PRELID2: variants seen among roughly 807,000 people sequenced by gnomAD.
PRELID2 encodes the protein PRELI domain containing 2.
In PRELID2, 25 loss-of-function variants were observed where a neutral mutation model predicts 28.4. That is an observed-to-expected ratio of 0.88 (90% confidence interval 0.64 to 1.23). The LOEUF (loss-of-function observed/expected upper bound fraction) is 1.23. Ranked by LOEUF, PRELID2 falls within the 50% of genes most tolerant of loss-of-function variation. PRELID2 has a pLI of 0.00. For missense variants in PRELID2, 201 were observed against 214.4 expected (o/e 0.94, Z 0.39); for synonymous variants, 76 against 71.6 (o/e 1.06, Z -0.31).
the PRELID2 span, among the ~76,000 whole-genome samples, chr5:145,465,952 A>C: frequency 1.3e-5 from 2 of 152,132 alleles, no homozygotes; most frequent in Non-Finnish European, 2.9e-5. Flanking sequence ...AAGATTTCTG[A>C]CAATCTGACC....
the PRELID2 span, among the ~76,000 whole-genome samples, chr5:145,380,868 TAAATA>T: frequency 6.6e-6 from 1 of 152,168 alleles, no homozygotes; most frequent in African/African-American, 2.4e-5. Flanking sequence ...AAGTGTTATA[TAAATA>T]AAATAAATCC....
chr5:145,286,696 G>GTTTTTT, the PRELID2 span, among the ~76,000 whole-genome samples: 9 of 116,992 alleles, frequency 7.7e-5, 1 homozygote, highest in African/African-American at 3.6e-4. Context: ...CAACATAGAA[G>GTTTTTT]TTTTTGTTTT....
intron 1 of PRELID2, among the ~76,000 whole-genome samples, chr5:145,686,719 C>CATTTCTTGGAGAAAA (rs1321677781): frequency 2.6e-5 from 4 of 152,110 alleles, no homozygotes; most frequent in African/African-American, 9.7e-5. Flanking sequence ...TTGTTTCCGC[C>CATTTCTTGGAGAAAA]ATTTCTTGGA....
intron 5 of PRELID2, among the ~76,000 whole-genome samples, chr5:145,794,568 A>G (rs988494481): frequency 2.0e-5 from 3 of 152,120 alleles, no homozygotes; most frequent in Admixed American, 6.6e-5. Flanking sequence ...GAAGAAACAC[A>G]TTTAGCCCAC....
chr5:145,720,821 A>C (rs1755968063), intron 1 of PRELID2, among the ~76,000 whole-genome samples: 2 of 152,056 alleles, frequency 1.3e-5, no homozygotes, highest in African/African-American at 4.8e-5. Flanking sequence ...GGGGAATTGG[A>C]AAGGAGAATA....
At chr5:145,411,547 G>A in the PRELID2 span, among the ~76,000 whole-genome samples, 4 of 152,324 alleles carry the variant, frequency 2.6e-5, no homozygotes, top group Admixed American at 6.5e-5. Context: ...GGCTTTGTGA[G>A]TACAACCCCC....
chr5:145,456,695 T>G, the PRELID2 span, among the ~76,000 whole-genome samples: 2 of 152,228 alleles, frequency 1.3e-5, no homozygotes, highest in Admixed American at 6.5e-5. Flanking sequence ...CGCACAGTAT[T>G]TGTTGAATGA....
the PRELID2 span, among the ~76,000 whole-genome samples, chr5:145,251,415 C>T: frequency 2.6e-5 from 4 of 152,118 alleles, no homozygotes; most frequent in African/African-American, 9.7e-5. Context: ...CAGACTCTTG[C>T]CTTCTGTAAC....
intron 1 of PRELID2, among the ~76,000 whole-genome samples, chr5:145,693,304 C>T (rs1755188037): frequency 6.6e-6 from 1 of 151,956 alleles, no homozygotes; most frequent in Non-Finnish European, 1.5e-5. Flanking sequence ...TATGCCACGA[C>T]ACCCAGTTAA....
the PRELID2 span, among the ~76,000 whole-genome samples, chr5:145,440,041 T>A: frequency 1.3e-5 from 2 of 152,060 alleles, no homozygotes; most frequent in Admixed American, 1.3e-4. Flanking sequence ...TATCCTCCAG[T>A]CTCCGAAACA....
At chr5:145,488,324 G>C (rs947232276) in intron 1 of PRELID2, among the ~76,000 whole-genome samples, 5 of 152,082 alleles carry the variant, frequency 3.3e-5, no homozygotes. Flanking sequence ...CAAAGGGAAA[G>C]CCTGATGGAG....
At position 145,759,365 on chromosome 5, in the gene PRELID2, A is replaced by T. The variant is rs1245985698; in HGVS notation, c.*1171T>A. The stretch of plus-strand genomic sequence containing the variant: ...CTCTCTTCAAGATTTTTTAGGTAGT[A>T]TGTATTTATATTTTGGCTTCTGATC... On this transcript the variant is annotated 3_prime_UTR_variant, in exon 7 of 7. Coordinates refer to ENST00000683046, the MANE Select transcript of PRELID2 (RefSeq NM_205846.3). 6.6e-6 allele frequency: 1 copy of T among 152,186 alleles called. No homozygotes were observed. The highest frequency in any genetic ancestry group is 2.4e-5 in the African/African-American group (1 of 41,438). 9.4% of individuals were successfully genotyped at this position (152,186 alleles called of 1,614,324 possible).
chr5:145,820,227 G>T (rs532631025), intron 2 of PRELID2, among the ~76,000 whole-genome samples: 12 of 151,258 alleles, frequency 7.9e-5, no homozygotes, highest in African/African-American at 2.7e-4. Context: ...TCAGCCTCCC[G>T]CAATGAATCT....
the PRELID2 span, among the ~76,000 whole-genome samples, chr5:145,302,011 C>CA: frequency 9.9e-5 from 14 of 140,716 alleles, no homozygotes; most frequent in Admixed American, 4.5e-4. Flanking sequence ...TTACTACACA[C>CA]AAAAAAAAGA....
At position 145,493,244 on chromosome 5, in the gene PRELID2, T is replaced by C. The variant is rs139058623; in HGVS notation, n.71-19929A>G. Among the ~76,000 whole-genome samples, 279 of 152,182 alleles carry C rather than the reference T, an allele frequency of 1.8e-3. 11 individuals carry two copies. The highest frequency in any genetic ancestry group is 6.5e-3 in the African/African-American group (270 of 41,518). ...CCCAGATTGTCCCTGAAGTCAGCTTTAATACTCCCTTCTCCCTCGCTGCCT... is the reference window on the plus strand; with the variant it reads ...CCCAGATTGTCCCTGAAGTCAGCTTCAATACTCCCTTCTCCCTCGCTGCCT... On this transcript the variant is annotated intron_variant and non_coding_transcript_variant, in intron 1 of 2. Transcript: ENST00000510259.
chr5:145,339,934 T>C, the PRELID2 span, among the ~76,000 whole-genome samples: 2 of 152,102 alleles, frequency 1.3e-5, no homozygotes, highest in African/African-American at 4.8e-5. Flanking sequence ...ACAAATCTTA[T>C]TGCTGCTGCT....
the PRELID2 span, among the ~76,000 whole-genome samples, chr5:145,404,457 C>A: frequency 6.6e-6 from 1 of 152,190 alleles, no homozygotes; most frequent in African/African-American, 2.4e-5. Context: ...AGTGTGTGTC[C>A]AGCACTATGT....
chr5:145,697,102 T>C (rs1215379035), intron 1 of PRELID2, among the ~76,000 whole-genome samples: 2 of 140,382 alleles, frequency 1.4e-5, no homozygotes, highest in Non-Finnish European at 3.0e-5. Context: ...CATATATATA[T>C]GTATATATAC....
chr5:145,546,442 C>CATAT (rs1752789206), intron 1 of PRELID2, among the ~76,000 whole-genome samples: 1 of 152,138 alleles, frequency 6.6e-6, no homozygotes, highest in South Asian at 2.1e-4. Flanking sequence ...TGAAAGGATA[C>CATAT]ATATGCCCCC....
Sources: gnomAD v4.1 joint callset for allele counts (sites outside exome capture counted in the v4.1 genomes callset) on GRCh38, gnomAD v4.1.1 for gene constraint, MANE v1.5 for transcripts, NCBI Gene and HGNC (gene_info 2026-07-23, HGNC 2026-07-21) for gene names.